TET3: variants seen among roughly 807,000 people sequenced by gnomAD.
The protein encoded by TET3 is tet methylcytosine dioxygenase 3, also known as methylcytosine dioxygenase TET3.
In TET3, 19 loss-of-function variants were observed where a neutral mutation model predicts 141.4. The ratio of observed to expected loss-of-function variants is 0.13; its 90% confidence interval spans 0.09 to 0.20. TET3 has a LOEUF of 0.20. Ranked by LOEUF, TET3 falls within the 10% of genes least tolerant of loss-of-function variation. TET3 has a pLI of 1.00. For synonymous variants in TET3, 1,043 were observed against 980.9 expected (o/e 1.06, Z -1.18); for missense variants, 1,874 against 2,356.9 (o/e 0.80, Z 4.24).
At chr2:74,004,657 TGAGGC>T (rs565629557) in intron 3 of TET3, among the ~76,000 whole-genome samples, 2 of 152,126 alleles carry the variant, frequency 1.3e-5, no homozygotes, top group South Asian at 4.1e-4. Context: ...TCACCTGGGA[TGAGGC>T]GGTGGGAGGC....
In TET3 at chr2:74,093,171, G is replaced by A. The variant is rs959833799; in HGVS notation, c.3129+180G>A. ...ACCCCTTTTTTACACCAGGCTACCT[G>A]CATCCCACACCGTCCCTCTTCTATC... On this transcript the variant is annotated intron_variant, in intron 9 of 11. Coordinates refer to ENST00000409262, the MANE Select transcript of TET3 (RefSeq NM_001287491.2). This position sits in a 1 kb window ranked among gnomAD's most constrained non-coding sequence, Gnocchi z 4.2. Among the ~76,000 whole-genome samples, 1 of 152,136 alleles carries A rather than the reference G, an allele frequency of 6.6e-6. No homozygotes were observed.
intron 10 of TET3, among the ~76,000 whole-genome samples, chr2:74,097,195 G>GCGCACACACACACACA (rs1553435448): frequency 7.2e-6 from 1 of 137,960 alleles, no homozygotes. Context: ...AGCCATACAT[G>GCGCACACACACACACA]CACACACACA....
At chr2:74,065,201 A>T (rs1224549240) in intron 4 of TET3, among the ~76,000 whole-genome samples, 1 of 152,370 alleles carries the variant, frequency 6.6e-6, no homozygotes, top group East Asian at 1.9e-4. Flanking sequence ...GAAATTATGC[A>T]TATTATAGCA....
Position 74,099,485 on chromosome 2 carries a change from C to T in TET3, c.3477C>T (p.Cys1159=). Residue 1159 remains cysteine (C), a synonymous_variant, in exon 11 of 12, where the codon TGC becomes TGT. Coordinates refer to ENST00000409262, the MANE Select transcript of TET3 (RefSeq NM_001287491.2). ...GCCTGCCCGAGCCTGCCAAGTCCTG[C>T]CGCCAGCGGCAGCTGGAAGCCAGAA... is the stretch of plus-strand genomic sequence containing the variant. The part of the protein sequence containing the change: ...VRRLPEPAKS[C]RQRQLEARKA... 6.2e-7 allele frequency: 1 copy of T among 1,613,760 alleles called. No homozygotes were observed. The highest frequency in any genetic ancestry group is 8.5e-7 in the Non-Finnish European group (1 of 1,179,802).
Position 74,102,202 on chromosome 2 carries a change from C to T in TET3, c.*26C>T, listed in dbSNP as rs1467199743. 6 of 1,421,090 alleles carry T rather than the reference C, an allele frequency of 4.2e-6. No individual in the cohort carries two copies. Among genetic ancestry groups the T allele is most frequent in the African/African-American group, 1.4e-5 (1 of 69,336 alleles). 88.0% of individuals were successfully genotyped at this position (1,421,090 alleles called of 1,614,324 possible). A position where few individuals can be genotyped will look rare whatever the true frequency, so the allele number is the denominator to read the frequency against. On this transcript the variant is annotated 3_prime_UTR_variant, in exon 12 of 12. Coordinates refer to ENST00000409262, the MANE Select transcript of TET3 (RefSeq NM_001287491.2). Reference sequence around the variant, plus strand: ...GTGCCAGGGAGCCAGCGTACCTCAGCGTCGGGCCTGGCCCGAGCTGTCTCT... The same window carrying T: ...GTGCCAGGGAGCCAGCGTACCTCAGTGTCGGGCCTGGCCCGAGCTGTCTCT...
intron 5 of TET3, among the ~76,000 whole-genome samples, chr2:74,076,807 G>C (rs1468772410): frequency 1.3e-5 from 2 of 152,140 alleles, no homozygotes; most frequent in Non-Finnish European, 2.9e-5. Flanking sequence ...CTTCAGGACT[G>C]CTCTGCTGTC....
chr2:74,120,538 G>C, the TET3 span: 1 of 152,360 alleles, frequency 6.6e-6, no homozygotes. Flanking sequence ...TGCAGGCGTC[G>C]TCGCGGGTTC....
Position 74,101,345 on chromosome 2 carries a change from G to T in TET3, c.4557G>T (p.Gly1519=), listed in dbSNP as rs772454773. Residue 1519 remains glycine, a synonymous_variant, in exon 12 of 12, where the codon GGG becomes GGT. Transcript: ENST00000409262. This position sits in a 1 kb window ranked among gnomAD's most constrained non-coding sequence, Gnocchi z 8.5. ...RGKPWSPCKF[G]NSTSALAGPS... ...AACCGTGGAGCCCCTGCAAGTTTGG[G>T]AACAGCACCTCGGCCTTGGCTGGGC... is the stretch of plus-strand genomic sequence containing the variant. 1.2e-6 allele frequency: 2 copies of T among 1,613,796 alleles called. No individual in the cohort carries two copies. Among genetic ancestry groups the T allele is most frequent in the African/African-American group, 2.7e-5 (2 of 74,948 alleles).
At chr2:74,109,897 C>G (rs1310360685), downstream of TET3, among the ~76,000 whole-genome samples, 3 of 152,162 alleles carry the variant, frequency 2.0e-5, no homozygotes, top group Non-Finnish European at 4.4e-5. Context: ...GCTTTTTAAG[C>G]AGCGGCTTGT....
rs200011812 is a variant in TET3 at position 74,046,403 on chromosome 2, C to A, written c.486C>A (p.Pro162=). 1 of 1,573,252 alleles carries A rather than the reference C, an allele frequency of 6.4e-7. No individual in the cohort carries two copies. Among genetic ancestry groups the A allele is most frequent in the African/African-American group, 1.4e-5 (1 of 73,920 alleles). ...SGVPVNGARE[P]AGPSLLGTGG... ...TGCCGGTCAATGGTGCTAGAGAGCC[C>A]GCTGGACCCAGTCTGCTGGGGACTG... The change falls in exon 4 of 12, where the codon CCC becomes CCA. Residue 162 remains proline (P), a synonymous_variant. Coordinates refer to ENST00000409262, the MANE Select transcript of TET3 (RefSeq NM_001287491.2). This position sits in a 1 kb window ranked among gnomAD's most constrained non-coding sequence, Gnocchi z 4.3.
intron 4 of TET3, among the ~76,000 whole-genome samples, chr2:74,061,506 T>C (rs1402892932): frequency 4.2e-5 from 5 of 120,340 alleles, no homozygotes; most frequent in African/African-American, 9.8e-5. Context: ...GGCGGCTGGC[T>C]GGGCAGAGGG....
intron 2 of TET3, among the ~76,000 whole-genome samples, chr2:73,997,591 T>A (rs1425014652): frequency 2.0e-5 from 3 of 152,072 alleles, no homozygotes; most frequent in African/African-American, 7.2e-5. Flanking sequence ...GTATCCTGGG[T>A]CCCAGGATCT....
At chr2:74,134,494 G>A in the TET3 span, 29 of 319,840 alleles carry the variant, frequency 9.1e-5, no homozygotes, top group African/African-American at 5.6e-4. Flanking sequence ...ATATCTTCAT[G>A]TCCTCATTTC....
At chr2:74,068,792 T>C (rs73951133) in intron 4 of TET3, among the ~76,000 whole-genome samples, 1,882 of 152,360 alleles carry the variant, frequency 0.012, 39 homozygotes, top group African/African-American at 0.042. Flanking sequence ...TGACATCTCA[T>C]TGTAGCTTTA....
intron 4 of TET3, among the ~76,000 whole-genome samples, chr2:74,055,146 C>T (rs1688145889): frequency 6.6e-6 from 1 of 152,100 alleles, no homozygotes; most frequent in Non-Finnish European, 1.5e-5. Context: ...GCGATCCACC[C>T]ACCTCGGCCT....
At chr2:74,089,485 A>G (rs1261614146) in intron 7 of TET3, among the ~76,000 whole-genome samples, 2 of 152,218 alleles carry the variant, frequency 1.3e-5, no homozygotes, top group African/African-American at 4.8e-5. Context: ...GCCTGTTAGC[A>G]TCTGGGCTAT....
chr2:74,048,662 A>C lies in TET3; in HGVS notation c.2494+251A>C, dbSNP rs140361386. On this transcript the variant is annotated intron_variant, in intron 4 of 11. Coordinates refer to ENST00000409262, the MANE Select transcript of TET3 (RefSeq NM_001287491.2). ...TTAATACACAAATGGAGTTGAAGGCATAATAGAGGCCTTCTTGTAGGAGGT... is the reference window on the plus strand; with the variant it reads ...TTAATACACAAATGGAGTTGAAGGCCTAATAGAGGCCTTCTTGTAGGAGGT... Among the ~76,000 whole-genome samples the C allele has an allele frequency of 9.3e-3, 1,413 of 152,336 alleles. 11 individuals carry two copies. Among genetic ancestry groups the C allele is most frequent in the Non-Finnish European group, 0.012 (788 of 68,026 alleles).
chr2:74,061,918 A>G (rs1469342506), intron 4 of TET3, among the ~76,000 whole-genome samples: 6 of 143,474 alleles, frequency 4.2e-5, no homozygotes, highest in African/African-American at 1.6e-4. Context: ...CCGGGCAGAG[A>G]TGCTCCTCAC....
rs1448958664 is a variant in TET3, at chr2:74,107,500, T to G, written c.*5324T>G. 1 of 152,180 alleles carries G rather than the reference T, an allele frequency of 6.6e-6. No homozygotes were observed. Among genetic ancestry groups the G allele is most frequent in the Non-Finnish European group, 1.5e-5 (1 of 68,028 alleles). The allele number at this position is 152,180 out of a possible 1,614,324, so 9.4% of individuals were successfully genotyped here. A position where few individuals can be genotyped will look rare whatever the true frequency, so the allele number is the denominator to read the frequency against. On this transcript the variant is annotated 3_prime_UTR_variant, in exon 12 of 12. Coordinates refer to ENST00000409262, the MANE Select transcript of TET3 (RefSeq NM_001287491.2). ...GAAACTAATTGGCTCATGTGAACATTCCAAATTTTCTTGGTTTCAATACCC... is the reference window on the plus strand; with the variant it reads ...GAAACTAATTGGCTCATGTGAACATGCCAAATTTTCTTGGTTTCAATACCC...
Sources: allele counts gnomAD v4.1 joint callset (sites outside exome capture counted in the v4.1 genomes callset), GRCh38; gene constraint gnomAD v4.1.1; non-coding constraint Gnocchi (gnomAD v3.1); transcripts MANE v1.5; gene names NCBI Gene and HGNC (gene_info 2026-07-23, HGNC 2026-07-21).